SYNPR: variants seen among roughly 807,000 people sequenced by gnomAD.
The protein encoded by SYNPR is synaptoporin.
A neutral mutation model predicts 32.9 loss-of-function variants in SYNPR; 23 were observed. The ratio of observed to expected loss-of-function variants is 0.70; its 90% confidence interval spans 0.50 to 0.99. The LOEUF (loss-of-function observed/expected upper bound fraction) is 0.99, where lower values mean the gene tolerates loss of function less well. Among genes scored for constraint, SYNPR ranks in the 50% least tolerant of loss-of-function variants. The probability of loss-of-function intolerance (pLI) is 0.00; values close to 1 mark genes in which losing one functional copy is unlikely to be tolerated. For missense variants in SYNPR, 318 were observed against 349.3 expected (o/e 0.91, Z 0.71); for synonymous variants, 146 against 135.9 (o/e 1.07, Z -0.52).
chr3:63,429,320 G>A (rs1372410928), intron 2 of SYNPR, among the ~76,000 whole-genome samples: 1 of 152,182 alleles, frequency 6.6e-6, no homozygotes, highest in African/African-American at 2.4e-5. Flanking sequence ...AATGGAAAGA[G>A]CCTCAAACTA....
At chr3:63,435,897 T>C (rs574195631) in intron 2 of SYNPR, among the ~76,000 whole-genome samples, 114 of 152,304 alleles carry the variant, frequency 7.5e-4, no homozygotes, top group African/African-American at 2.3e-3. Context: ...ACAATGTGTA[T>C]TGAGAATTAT....
the SYNPR span, among the ~76,000 whole-genome samples, chr3:63,204,814 A>G: frequency 6.6e-6 from 1 of 152,074 alleles, no homozygotes; most frequent in Non-Finnish European, 1.5e-5. Flanking sequence ...CAGCCTCCTG[A>G]GTAGCTGGGA....
At chr3:63,432,261 TA>T (rs914194867) in intron 2 of SYNPR, among the ~76,000 whole-genome samples, 9 of 152,212 alleles carry the variant, frequency 5.9e-5, no homozygotes, top group South Asian at 4.2e-4. Context: ...ATCTCCCAAA[TA>T]AACTACTTGC....
At chr3:63,370,627 G>C (rs567883437) in intron 2 of SYNPR, among the ~76,000 whole-genome samples, 1 of 152,290 alleles carries the variant, frequency 6.6e-6, no homozygotes, top group African/African-American at 2.4e-5. Flanking sequence ...TGTGGGCATA[G>C]CTGGAAATTT....
Position 63,422,087 on chromosome 3 carries a change from A to T in SYNPR, c.85-58745A>T, listed in dbSNP as rs560669720. The stretch of plus-strand genomic sequence containing the variant: ...TAGGCTAATCAGTGAGTGTTGTATC[A>T]TTATTTTTACAGGTTCCACTCACAT... On this transcript the variant is annotated intron_variant, in intron 2 of 5. Transcript: ENST00000478300. Among the ~76,000 whole-genome samples the T allele has an allele frequency of 7.8e-4, 119 of 152,294 alleles. No homozygotes were observed. In the Middle Eastern group the frequency reaches 0.034, roughly 44 times the overall value.
chr3:63,423,443 G>C (rs1699834341), intron 2 of SYNPR, among the ~76,000 whole-genome samples: 1 of 152,192 alleles, frequency 6.6e-6, no homozygotes, highest in Non-Finnish European at 1.5e-5. Flanking sequence ...CCCTCACTTG[G>C]GGCCTGGGGC....
intron 3 of SYNPR, among the ~76,000 whole-genome samples, chr3:63,500,429 T>C (rs1701457409): frequency 1.3e-5 from 2 of 152,148 alleles, no homozygotes; most frequent in Admixed American, 1.3e-4. Flanking sequence ...AGTCAGTCTG[T>C]TTTTATCTCC....
chr3:63,344,614 AG>A (rs2087413174), intron 2 of SYNPR, among the ~76,000 whole-genome samples: 1 of 149,636 alleles, frequency 6.7e-6, no homozygotes, highest in Non-Finnish European at 1.5e-5. Flanking sequence ...AACCAACAAG[AG>A]GTAGTGCAAT....
intron 2 of SYNPR, among the ~76,000 whole-genome samples, chr3:63,432,498 A>G (rs1700011834): frequency 6.6e-6 from 1 of 152,236 alleles, no homozygotes; most frequent in Admixed American, 6.5e-5. Flanking sequence ...ATTTAATTGT[A>G]TCTTCAGGAG....
chr3:63,521,563 T>C (rs1288856289), intron 3 of SYNPR, among the ~76,000 whole-genome samples: 2 of 152,108 alleles, frequency 1.3e-5, no homozygotes, highest in African/African-American at 2.4e-5. Flanking sequence ...ATTACACCAA[T>C]AGGGAAGGGT....
chr3:63,466,093 T>C (rs1197861386), intron 2 of SYNPR, among the ~76,000 whole-genome samples: 1 of 152,200 alleles, frequency 6.6e-6, no homozygotes, highest in Non-Finnish European at 1.5e-5. Flanking sequence ...CAGTGTGTGT[T>C]GTTCTCCTCT....
intron 4 of SYNPR, among the ~76,000 whole-genome samples, chr3:63,588,943 C>A (rs1330453674): frequency 1.3e-5 from 2 of 152,018 alleles, no homozygotes; most frequent in South Asian, 4.1e-4. Flanking sequence ...CCCAAATTCC[C>A]AAGAAACAAG....
intron 5 of SYNPR, 99 bp downstream of exon 5, chr3:63,609,415 A>T: frequency 8.7e-7 from 1 of 1,143,646 alleles, no homozygotes; most frequent in Non-Finnish European, 1.2e-6. Context: ...ATTGTTGCCT[A>T]CAAAACTAGG....
intron 2 of SYNPR, among the ~76,000 whole-genome samples, chr3:63,376,403 A>G (rs1438278401): frequency 6.6e-6 from 1 of 152,168 alleles, no homozygotes; most frequent in Non-Finnish European, 1.5e-5. Context: ...AGGATAAAAT[A>G]CTATTTATCC....
In SYNPR at chr3:63,518,779, G is replaced by A. The variant is rs548306337; in HGVS notation, c.210-37764G>A. On this transcript the variant is annotated intron_variant, in intron 3 of 5. Coordinates refer to ENST00000478300, the MANE Select transcript of SYNPR (RefSeq NM_001130003.2). Reference sequence around the variant, plus strand: ...TTATTATTATTATTACCATCAGATAGTGAAATTCAGGGGGACAAGCAACCT... The same window carrying A: ...TTATTATTATTATTACCATCAGATAATGAAATTCAGGGGGACAAGCAACCT... Among the ~76,000 whole-genome samples the A allele has an allele frequency of 2.2e-3, 341 of 152,226 alleles. 2 individuals carry two copies. Among genetic ancestry groups the A allele is most frequent in the African/African-American group, 7.8e-3 (325 of 41,534 alleles).
At chr3:63,260,947 CA>C (rs1316966143) in intron 2 of SYNPR, among the ~76,000 whole-genome samples, 1 of 151,920 alleles carries the variant, frequency 6.6e-6, no homozygotes, top group African/African-American at 2.4e-5. Context: ...TTTATGCAGC[CA>C]AAAGACATAT....
At chr3:63,452,753 C>G (rs1700402325) in intron 2 of SYNPR, among the ~76,000 whole-genome samples, 1 of 152,106 alleles carries the variant, frequency 6.6e-6, no homozygotes, top group African/African-American at 2.4e-5. Context: ...GAGAGTATAG[C>G]TTAGGTGCGT....
chr3:63,264,488 G>T (rs796676265), intron 2 of SYNPR, among the ~76,000 whole-genome samples: 49 of 152,250 alleles, frequency 3.2e-4, no homozygotes, highest in African/African-American at 1.2e-3. Context: ...CTATATGAAG[G>T]GCAATTTTAT....
chr3:63,226,328 C>T (rs2086127926), upstream of SYNPR, among the ~76,000 whole-genome samples: 1 of 152,092 alleles, frequency 6.6e-6, no homozygotes, highest in African/African-American at 2.4e-5. Context: ...AACTATCATA[C>T]AACCTGGCAA....
Sources: allele counts gnomAD v4.1 joint callset (sites outside exome capture counted in the v4.1 genomes callset), GRCh38; gene constraint gnomAD v4.1.1; transcripts MANE v1.5; gene names NCBI Gene and HGNC (gene_info 2026-07-23, HGNC 2026-07-21).